COL19A1: variants seen among roughly 807,000 people sequenced by gnomAD.
COL19A1 encodes the protein collagen alpha-1(XIX) chain.
Under a neutral mutation model 190.2 loss-of-function variants are expected in COL19A1, and 159 were observed. That is an observed-to-expected ratio of 0.84 (90% CI 0.73 to 0.95). COL19A1 has a LOEUF of 0.95. Among genes scored for constraint, COL19A1 ranks in the 40% least tolerant of loss-of-function variants. The probability of loss-of-function intolerance (pLI) is 0.00; values close to 1 mark genes in which losing one functional copy is unlikely to be tolerated. For missense variants in COL19A1, 1,418 were observed against 1,431.9 expected (o/e 0.99, Z 0.16); for synonymous variants, 509 against 458.9 (o/e 1.11, Z -1.39).
intron 2 of COL19A1, among the ~76,000 whole-genome samples, chr6:69,885,980 A>C (rs1322350536): frequency 1.3e-5 from 2 of 152,192 alleles, no homozygotes; most frequent in African/African-American, 4.8e-5. Context: ...GAAGTAAATA[A>C]ATGGGACTAA....
At chr6:70,100,729 C>T (rs1005758257) in intron 15 of COL19A1, among the ~76,000 whole-genome samples, 71 of 152,022 alleles carry the variant, frequency 4.7e-4, no homozygotes, top group African/African-American at 1.5e-3. Context: ...CCGCCTGCCT[C>T]GGCCTCCCAA....
At chr6:69,962,941 T>G (rs1774888887) in intron 11 of COL19A1, 71 bp downstream of exon 11, 2 of 1,295,012 alleles carry the variant, frequency 1.5e-6, no homozygotes, top group East Asian at 4.9e-5. Flanking sequence ...AATAAAATAT[T>G]TAACTTGTTT....
chr6:69,874,683 G>A lies in COL19A1; in HGVS notation c.-32-4853G>A, dbSNP rs182972727. ...GGAGAATGGTGTGAACCCAGGAGGCGGAGCTTGCAGTGAGCCGAGATCGCA... is the reference window on the plus strand; with the variant it reads ...GGAGAATGGTGTGAACCCAGGAGGCAGAGCTTGCAGTGAGCCGAGATCGCA... On this transcript the variant is annotated intron_variant, in intron 1 of 50. Coordinates refer to ENST00000620364, the MANE Select transcript of COL19A1 (RefSeq NM_001858.6). Among the ~76,000 whole-genome samples the A allele has an allele frequency of 6.7e-3, 1,024 of 152,048 alleles. 13 individuals are homozygous for A. The highest frequency in any genetic ancestry group is 0.028 in the Admixed American group (431 of 15,282).
At chr6:70,155,498 A>G (rs947818473) in intron 31 of COL19A1, among the ~76,000 whole-genome samples, 3 of 152,154 alleles carry the variant, frequency 2.0e-5, no homozygotes, top group African/African-American at 7.2e-5. Context: ...CAGATCAACT[A>G]AAGGTTGCAG....
At chr6:69,974,629 T>C (rs765808221) in intron 11 of COL19A1, among the ~76,000 whole-genome samples, 6 of 152,166 alleles carry the variant, frequency 3.9e-5, no homozygotes, top group Non-Finnish European at 8.8e-5. Flanking sequence ...CCCACCATTA[T>C]CATTAATGTT....
chr6:69,959,760 T>G (rs1187996659), intron 9 of COL19A1, among the ~76,000 whole-genome samples: 1 of 152,200 alleles, frequency 6.6e-6, no homozygotes, highest in Non-Finnish European at 1.5e-5. Flanking sequence ...ACTAGTTAGG[T>G]GACCTTTGAC....
At chr6:70,105,793 A>G (rs1463694609) in intron 16 of COL19A1, among the ~76,000 whole-genome samples, 2 of 152,174 alleles carry the variant, frequency 1.3e-5, no homozygotes, top group Non-Finnish European at 2.9e-5. Flanking sequence ...GTGTTAGAAT[A>G]TCTTATGAAA....
chr6:70,129,814 G>A (rs1252866018), intron 17 of COL19A1, among the ~76,000 whole-genome samples: 1 of 152,240 alleles, frequency 6.6e-6, no homozygotes, highest in African/African-American at 2.4e-5. Context: ...GAACAATAAA[G>A]AAGACTTGAG....
rs1018409261 is a variant in COL19A1 at position 69,962,960 on chromosome 6, C to T, written c.1026+90C>T. 3.7e-5 allele frequency: 34 copies of T among 924,762 alleles called. No homozygotes were observed. In the African/African-American group the frequency reaches 4.1e-4, roughly 11 times the overall value. The allele number at this position is 924,762 out of a possible 1,614,324, so 57.3% of individuals were successfully genotyped here. ...AAATATTTAACTTGTTTTGTGCATT[C>T]CCTATAAGCAATTCAATAATTTTAT... On this transcript the variant is annotated intron_variant, in intron 11 of 50. Transcript: ENST00000620364.
At chr6:69,940,746 C>CA (rs1773416911) in intron 9 of COL19A1, among the ~76,000 whole-genome samples, 1 of 152,102 alleles carries the variant, frequency 6.6e-6, no homozygotes, top group East Asian at 1.9e-4. Context: ...TACATGCACC[C>CA]ACATTTGCTT....
At chr6:70,186,523 T>C (rs1054937463) in intron 46 of COL19A1, among the ~76,000 whole-genome samples, 2 of 152,218 alleles carry the variant, frequency 1.3e-5, no homozygotes, top group African/African-American at 2.4e-5. Context: ...TGTTCATTTA[T>C]TTCTGTTAAT....
At chr6:70,086,363 T>A (rs977164944) in intron 15 of COL19A1, among the ~76,000 whole-genome samples, 1 of 152,146 alleles carries the variant, frequency 6.6e-6, no homozygotes, top group African/African-American at 2.4e-5. Flanking sequence ...ATTTCTTTTT[T>A]AAGAGTACAT....
Position 70,009,409 on chromosome 6 carries a change from G to A in COL19A1, c.1027-14218G>A, listed in dbSNP as rs117077891. ...TGAAAACAATTTTATTTATGGTGAT[G>A]ACCTGTACACAGATGACTAAAAAAC... On this transcript the variant is annotated intron_variant, in intron 11 of 50. Transcript: ENST00000620364. 3.6e-3 allele frequency among the ~76,000 whole-genome samples: 543 copies of A among 152,124 alleles called. 1 individual carries two copies. Among genetic ancestry groups the A allele is most frequent in the Non-Finnish European group, 6.6e-3 (445 of 67,902 alleles).
intron 14 of COL19A1, among the ~76,000 whole-genome samples, chr6:70,065,266 A>T (rs559406817): frequency 6.6e-6 from 1 of 152,262 alleles, no homozygotes; most frequent in South Asian, 2.1e-4. Context: ...AGAGATATAG[A>T]CCAACGGAAC....
chr6:70,109,490 G>A (rs552038569), intron 16 of COL19A1, among the ~76,000 whole-genome samples: 3 of 152,034 alleles, frequency 2.0e-5, no homozygotes, highest in African/African-American at 7.2e-5. Context: ...TGGGGGGCAA[G>A]TGGAGAGATA....
At chr6:70,155,086 C>A (rs146952143) in intron 31 of COL19A1, among the ~76,000 whole-genome samples, 207 of 152,238 alleles carry the variant, frequency 1.4e-3, no homozygotes, top group African/African-American at 3.8e-3. Flanking sequence ...ACCTTGTAAG[C>A]TTTTCAGTAT....
intron 2 of COL19A1, among the ~76,000 whole-genome samples, chr6:69,892,717 A>C (rs1271607855): frequency 6.6e-6 from 1 of 152,170 alleles, no homozygotes; most frequent in Non-Finnish European, 1.5e-5. Flanking sequence ...AGAAAGTGAC[A>C]TTCTTTACTG....
chr6:70,006,275 C>T (rs1317861515), intron 11 of COL19A1, among the ~76,000 whole-genome samples: 2 of 152,218 alleles, frequency 1.3e-5, no homozygotes, highest in Non-Finnish European at 2.9e-5. Context: ...GGACCCTAAG[C>T]TCTGGTGGTG....
intron 14 of COL19A1, among the ~76,000 whole-genome samples, chr6:70,046,732 C>A (rs1225292414): frequency 6.6e-6 from 1 of 152,040 alleles, no homozygotes; most frequent in Non-Finnish European, 1.5e-5. Flanking sequence ...TTGCCTTATT[C>A]ATTTTTTCAT....
Sources: allele counts gnomAD v4.1 joint callset (sites outside exome capture counted in the v4.1 genomes callset), GRCh38; gene constraint gnomAD v4.1.1; transcripts MANE v1.5; gene names NCBI Gene and HGNC (gene_info 2026-07-23, HGNC 2026-07-21).